Variants in EYS observed in about 807,000 individuals in gnomAD.
EYS encodes the protein protein eyes shut homolog.
Under a neutral mutation model 282.1 loss-of-function variants are expected in EYS, and 250 were observed. The observed-to-expected ratio is 0.89, with a 90% confidence interval of 0.80 to 0.98. The LOEUF (loss-of-function observed/expected upper bound fraction) is 0.98. EYS is among the 50% of genes least tolerant of loss of function. EYS has a pLI of 0.00. For synonymous variants in EYS, 1,355 were observed against 1,282.9 expected (o/e 1.06, Z -1.20); for missense variants, 4,016 against 3,709.0 (o/e 1.08, Z -2.15).
intron 19 of EYS, among the ~76,000 whole-genome samples, chr6:64,840,977 A>G (rs1765546298): frequency 6.6e-6 from 1 of 152,130 alleles, no homozygotes. Flanking sequence ...TGTATTAGAC[A>G]GCATTGATTA....
intron 11 of EYS, among the ~76,000 whole-genome samples, chr6:65,310,094 A>G (rs1769115263): frequency 6.6e-6 from 1 of 152,178 alleles, no homozygotes; most frequent in Non-Finnish European, 1.5e-5. Context: ...CTGTCATCCC[A>G]GCACTTTGAG....
chr6:63,819,164 G>A (rs985315848), intron 36 of EYS, among the ~76,000 whole-genome samples: 6 of 152,122 alleles, frequency 3.9e-5, no homozygotes, highest in Admixed American at 3.3e-4. Flanking sequence ...CTGCCCATAG[G>A]AGGCTCTCTT....
intron 13 of EYS, among the ~76,000 whole-genome samples, chr6:65,031,077 A>C (rs1772587355): frequency 6.6e-6 from 1 of 151,082 alleles, no homozygotes; most frequent in African/African-American, 2.4e-5. Flanking sequence ...AGGTCAATTC[A>C]ACAAGAAGAC....
At chr6:63,772,487 A>G (rs1769957133) in intron 40 of EYS, among the ~76,000 whole-genome samples, 1 of 152,034 alleles carries the variant, frequency 6.6e-6, no homozygotes, top group African/African-American at 2.4e-5. Context: ...GGGTATTTTT[A>G]TATATAGTTT....
At chr6:65,184,490 AAAAC>A (rs1285500388) in intron 12 of EYS, among the ~76,000 whole-genome samples, 2 of 152,028 alleles carry the variant, frequency 1.3e-5, no homozygotes, top group East Asian at 3.9e-4. Context: ...AGTTTTGGAG[AAAAC>A]AAACATTCAA....
chr6:65,346,288 C>A (rs1770389441), intron 9 of EYS, among the ~76,000 whole-genome samples: 1 of 148,700 alleles, frequency 6.7e-6, no homozygotes, highest in South Asian at 2.1e-4. Context: ...CGAGAGAGAA[C>A]AAATCTTTAT....
intron 37 of EYS, among the ~76,000 whole-genome samples, chr6:63,790,632 T>C (rs1210975042): frequency 6.6e-6 from 1 of 152,194 alleles, no homozygotes; most frequent in Non-Finnish European, 1.5e-5. Context: ...GAAAGTTCAA[T>C]GTTTCAAGAG....
intron 2 of EYS, among the ~76,000 whole-genome samples, chr6:65,599,638 C>T (rs750290587): frequency 1.1e-4 from 16 of 151,844 alleles, no homozygotes; most frequent in Non-Finnish European, 1.5e-4. Flanking sequence ...GAAGATTCTA[C>T]CCATTTTTAG....
At chr6:64,129,237 C>T in intron 31 of EYS, among the ~76,000 whole-genome samples, 1 of 152,152 alleles carries the variant, frequency 6.6e-6, no homozygotes, top group Non-Finnish European at 1.5e-5. Context: ...TACAGTCCCA[C>T]CAACAGTGTA....
At chr6:65,503,369 T>C (rs1766532434) in intron 2 of EYS, among the ~76,000 whole-genome samples, 1 of 151,718 alleles carries the variant, frequency 6.6e-6, no homozygotes, top group Non-Finnish European at 1.5e-5. Flanking sequence ...AAAAATCCTT[T>C]ATCAGATATG....
intron 21 of EYS, among the ~76,000 whole-genome samples, chr6:64,815,413 G>T (rs371386560): frequency 6.6e-6 from 1 of 151,974 alleles, no homozygotes; most frequent in Non-Finnish European, 1.5e-5. Context: ...TAATTGAATT[G>T]TATCTCCCAT....
At chr6:64,478,219 C>T (rs762215134) in intron 26 of EYS, among the ~76,000 whole-genome samples, 14 of 151,834 alleles carry the variant, frequency 9.2e-5, no homozygotes, top group Admixed American at 5.3e-4. Flanking sequence ...CTTTTGCATG[C>T]AATTTTATTA....
At chr6:64,913,069 T>TA (rs975781769) in intron 15 of EYS, among the ~76,000 whole-genome samples, 2 of 152,086 alleles carry the variant, frequency 1.3e-5, no homozygotes, top group Non-Finnish European at 2.9e-5. Flanking sequence ...AATTATTTAA[T>TA]ATAAGTTTTA....
At chr6:64,821,612 G>T in intron 21 of EYS, 33 bp downstream of exon 21, 1 of 1,141,422 alleles carries the variant, frequency 8.8e-7, no homozygotes, top group Non-Finnish European at 1.2e-6. Context: ...TTAAATTTTT[G>T]TCATATAACT....
intron 26 of EYS, among the ~76,000 whole-genome samples, chr6:64,494,189 C>G (rs746094276): frequency 4.0e-5 from 6 of 151,562 alleles, no homozygotes; most frequent in Non-Finnish European, 8.9e-5. Flanking sequence ...GGGGAAATTG[C>G]CTCTCATCTG....
At chr6:65,186,296 G>GA (rs769952135) in intron 12 of EYS, among the ~76,000 whole-genome samples, 19 of 151,682 alleles carry the variant, frequency 1.3e-4, no homozygotes, top group Non-Finnish European at 2.4e-4. Flanking sequence ...TAAAATATAG[G>GA]AAAGATCACG....
intron 22 of EYS, among the ~76,000 whole-genome samples, chr6:64,789,815 CAGTA>C (rs1294618567): frequency 5.3e-5 from 8 of 151,698 alleles, no homozygotes; most frequent in South Asian, 2.1e-4. Flanking sequence ...AGCAGATGCT[CAGTA>C]AGTATCTGAT....
At chr6:65,088,648 A>G (rs1191325441) in intron 12 of EYS, among the ~76,000 whole-genome samples, 1 of 152,148 alleles carries the variant, frequency 6.6e-6, no homozygotes, top group East Asian at 1.9e-4. Context: ...AGAAAAACCC[A>G]TTTTCTGGGG....
rs73742032 is a variant in EYS, at chr6:65,667,032, C to T, written c.-447-27140G>A. Reference sequence around the variant, plus strand: ...GCCTGGAGATGGTAAGTTCTAGGTACTAACAAATCAGAACTTCCTTTGAAG... The same window carrying T: ...GCCTGGAGATGGTAAGTTCTAGGTATTAACAAATCAGAACTTCCTTTGAAG... On this transcript the variant is annotated intron_variant, in intron 1 of 42. Coordinates refer to ENST00000503581, the MANE Select transcript of EYS (RefSeq NM_001142800.2). Among the ~76,000 whole-genome samples the T allele has an allele frequency of 4.7e-3, 703 of 150,508 alleles. 9 individuals carry two copies. Among genetic ancestry groups the T allele is most frequent in the African/African-American group, 0.016 (659 of 41,180 alleles).
Sources: gnomAD v4.1 joint callset for allele counts (sites outside exome capture counted in the v4.1 genomes callset) on GRCh38, gnomAD v4.1.1 for gene constraint, MANE v1.5 for transcripts, NCBI Gene and HGNC (gene_info 2026-07-23, HGNC 2026-07-21) for gene names.